Variants in PNP observed in about 807,000 individuals in gnomAD.
PNP encodes HEL-S-156an.
In PNP, 18 loss-of-function variants were observed where a neutral mutation model predicts 26.8. That is an observed-to-expected ratio of 0.67 (90% CI 0.46 to 1.00). The LOEUF (loss-of-function observed/expected upper bound fraction) is 1.00, where lower values mean the gene tolerates loss of function less well. PNP is among the 50% of genes least tolerant of loss of function. The pLI is 0.00. For synonymous variants in PNP, 116 were observed against 124.8 expected (o/e 0.93, Z 0.47); for missense variants, 320 against 362.9 (o/e 0.88, Z 0.96).
chr14:20,474,973 T>C (rs751733006), intron 4 of PNP, 25 bp downstream of exon 4: 2 of 1,614,054 alleles, frequency 1.2e-6, no homozygotes, highest in South Asian at 1.1e-5. Flanking sequence ...CCGTTTTTTT[T>C]AGGTGGGTAG....
At chr14:20,475,692 C>T (rs916835903) in intron 5 of PNP, among the ~76,000 whole-genome samples, 14 of 152,242 alleles carry the variant, frequency 9.2e-5, no homozygotes, top group African/African-American at 3.1e-4. Flanking sequence ...ACCATGTTGG[C>T]CAGGCTGGTC....
At position 20,476,994 on chromosome 14, in the gene PNP, T is replaced by C. The variant is rs1882131091; in HGVS notation, c.*393T>C. 1 of 306,028 alleles carries C rather than the reference T, an allele frequency of 3.3e-6. No homozygotes were observed. Among genetic ancestry groups the C allele is most frequent in the African/African-American group, 2.2e-5 (1 of 46,400 alleles). 19.0% of individuals were successfully genotyped at this position (306,028 alleles called of 1,614,324 possible). ...TTCCGAGGGGCTCAGTTCTGCCTTATCTAAATCACCAGAGACCAAACAAGG... is the reference window on the plus strand; with the variant it reads ...TTCCGAGGGGCTCAGTTCTGCCTTACCTAAATCACCAGAGACCAAACAAGG... On this transcript the variant is annotated 3_prime_UTR_variant, in exon 6 of 6. Coordinates refer to ENST00000361505, the MANE Select transcript of PNP (RefSeq NM_000270.4).
intron 2 of PNP, chr14:20,472,736 G>A: frequency 1.8e-6 from 1 of 541,170 alleles, no homozygotes. Flanking sequence ...CAGGGGCCAA[G>A]TAAAGGGCAA....
chr14:20,474,289 T>C, intron 2 of PNP, 183 bp from the exon 3 acceptor site: 3 of 599,720 alleles, frequency 5.0e-6, no homozygotes, highest in Non-Finnish European at 9.0e-6. Flanking sequence ...TTTGTATAAT[T>C]ATTAGTAATG....
At chr14:20,474,614 G>C in intron 3 of PNP, 39 bp downstream of exon 3, 1 of 1,586,232 alleles carries the variant, frequency 6.3e-7, no homozygotes, top group South Asian at 1.1e-5. Context: ...TCTGGAAGAG[G>C]CAGGAGAGAA....
At position 20,474,754 on chromosome 14, in the gene PNP, CG is replaced by C; in HGVS notation, c.286-17del. On this transcript the variant is annotated intron_variant, in intron 3 of 5. Transcript: ENST00000361505. ...TTAATGAAATTTTGTAAATTTTTTTCGGATTGTTTGCTTCGAAGGTGACATT... is the reference window on the plus strand; with the variant it reads ...TTAATGAAATTTTGTAAATTTTTTTCGATTGTTTGCTTCGAAGGTGACATT... 2 of 1,612,508 alleles carry C rather than the reference CG, an allele frequency of 1.2e-6. No homozygotes were observed. The highest frequency in any genetic ancestry group is 1.7e-6 in the Non-Finnish European group (2 of 1,179,132).
At chr14:20,471,791 T>C (rs1366408271) in intron 1 of PNP, among the ~76,000 whole-genome samples, 1 of 152,186 alleles carries the variant, frequency 6.6e-6, no homozygotes, top group Non-Finnish European at 1.5e-5. Context: ...TTGGTCTTAA[T>C]TACATTTTGA....
rs1028598605 is a variant in PNP, at chr14:20,477,086, A to C, written c.*485A>C. On this transcript the variant is annotated 3_prime_UTR_variant, in exon 6 of 6. Transcript: ENST00000361505. ...TTGTCAGAATAAAGAGAAAGATGAA[A>C]TAATTTCATTTTTTTGTGTAACTTG... The C allele has an allele frequency of 6.0e-5, 12 of 199,660 alleles. No homozygotes were observed. The highest frequency in any genetic ancestry group is 1.9e-4 in the African/African-American group (8 of 42,640). 12.4% of individuals were successfully genotyped at this position (199,660 alleles called of 1,614,324 possible). A position where few individuals can be genotyped will look rare whatever the true frequency, so the allele number is the denominator to read the frequency against.
chr14:20,475,019 T>C (rs750111892), intron 4 of PNP, 43 bp from the exon 5 acceptor site: 5 of 1,613,980 alleles, frequency 3.1e-6, no homozygotes, highest in Non-Finnish European at 4.2e-6. Flanking sequence ...TGGGAGAATT[T>C]TTAAAATTCC....
chr14:20,471,492 C>T (rs1322950745), intron 1 of PNP, among the ~76,000 whole-genome samples: 1 of 151,992 alleles, frequency 6.6e-6, no homozygotes. Context: ...TTCTAACAAG[C>T]TTCTGCTGAG....
In PNP at chr14:20,474,593, G is replaced by A. The variant is rs544448859; in HGVS notation, c.285+18G>A. ...TCTGGAAGGTAAGTCAGAGGGATAG[G>A]TCCGGTTGGATCTGGAAGAGGCAGG... On this transcript the variant is annotated intron_variant, in intron 3 of 5. Coordinates refer to ENST00000361505, the MANE Select transcript of PNP (RefSeq NM_000270.4). The A allele has an allele frequency of 6.9e-6, 11 of 1,602,782 alleles. No homozygotes were observed. The Admixed American group carries it at 8.3e-5, about 12-fold the overall frequency.
intron 5 of PNP, among the ~76,000 whole-genome samples, chr14:20,475,828 G>A (rs76202053): frequency 5.3e-5 from 8 of 152,100 alleles, no homozygotes; most frequent in Admixed American, 5.2e-4. Flanking sequence ...ATTCACTATA[G>A]CCACCTTCTG....
intron 1 of PNP, 195 bp downstream of exon 1, chr14:20,469,730 G>T (rs932608697): frequency 1.4e-6 from 1 of 739,256 alleles, no homozygotes. Flanking sequence ...AGGGACGCAC[G>T]CGGGAATCGA....
chr14:20,473,991 T>C (rs1030763669), intron 2 of PNP: 1 of 203,708 alleles, frequency 4.9e-6, no homozygotes, highest in African/African-American at 2.4e-5. Flanking sequence ...TTGTACTTAT[T>C]AGGTAATTTC....
chr14:20,476,617 T>C lies in PNP; in HGVS notation c.*16T>C. On this transcript the variant is annotated 3_prime_UTR_variant, in exon 6 of 6. Coordinates refer to ENST00000361505, the MANE Select transcript of PNP (RefSeq NM_000270.4). ...AGCCAGTTGACCTGCCTTGGAGTCG[T>C]CTGGCATCTCCCACACAAGACCCAA... The C allele has an allele frequency of 6.2e-7, 1 of 1,607,158 alleles. No individual in the cohort carries two copies. The highest frequency in any genetic ancestry group is 8.5e-7 in the Non-Finnish European group (1 of 1,173,716).
chr14:20,471,176 G>A (rs971825188), intron 1 of PNP, among the ~76,000 whole-genome samples: 5 of 147,596 alleles, frequency 3.4e-5, no homozygotes, highest in African/African-American at 1.0e-4. Context: ...GACTACAGGG[G>A]CCCGCCACCA....
At position 20,476,585 on chromosome 14, in the gene PNP, C is replaced by T; in HGVS notation, c.854C>T (p.Pro285Leu). The T allele has an allele frequency of 6.2e-7, 1 of 1,614,198 alleles. No homozygotes were observed. Among genetic ancestry groups the T allele is most frequent in the East Asian group, 2.2e-5 (1 of 44,886 alleles). ...VSILMASIPL[P>L]DKAS ...ATTCTTATGGCCAGCATTCCACTCC[C>T]TGACAAAGCCAGTTGACCTGCCTTG... is the stretch of plus-strand genomic sequence containing the variant. Residue 285 changes from proline (P) to leucine (L), a missense_variant, in exon 6 of 6, where the codon CCT (proline) becomes CTT (leucine). Transcript: ENST00000361505.
chr14:20,471,664 T>C (rs1881991239), intron 1 of PNP, among the ~76,000 whole-genome samples: 1 of 152,182 alleles, frequency 6.6e-6, no homozygotes, highest in African/African-American at 2.4e-5. Flanking sequence ...GTGGTCCCAT[T>C]GTGTTTTATT....
In PNP at chr14:20,474,754, C is replaced by T. The variant is rs371229533; in HGVS notation, c.286-19C>T. On this transcript the variant is annotated intron_variant, in intron 3 of 5. Transcript: ENST00000361505. ...TTAATGAAATTTTGTAAATTTTTTT[C>T]GGATTGTTTGCTTCGAAGGTGACAT... 20 of 1,612,508 alleles carry T rather than the reference C, an allele frequency of 1.2e-5. No homozygotes were observed. The highest frequency in any genetic ancestry group is 1.1e-4 in the East Asian group (5 of 44,866).
Sources: allele counts gnomAD v4.1 joint callset (sites outside exome capture counted in the v4.1 genomes callset), GRCh38; gene constraint gnomAD v4.1.1; transcripts MANE v1.5; gene names NCBI Gene and HGNC (gene_info 2026-07-23, HGNC 2026-07-21).